Variants in MCRIP2 observed in about 807,000 individuals in gnomAD.
The protein encoded by MCRIP2 is MAPK regulated corepressor interacting protein 2.
MCRIP2 carries 21 observed loss-of-function variants against 23.2 expected under a neutral mutation model. That is an observed-to-expected ratio of 0.90 (90% CI 0.64 to 1.30). The LOEUF (loss-of-function observed/expected upper bound fraction) is 1.30. Among genes scored for constraint, MCRIP2 ranks in the 50% most tolerant of loss-of-function variants. MCRIP2 has a pLI of 0.00. For synonymous variants in MCRIP2, 121 were observed against 100.2 expected (o/e 1.21, Z -1.24); for missense variants, 234 against 223.2 (o/e 1.05, Z -0.31).
Position 646,951 on chromosome 16 carries a change from G to GTGGTCGCCGT in MCRIP2, c.183-466_183-465insTGGTCGCCGT. On this transcript the variant is annotated intron_variant, in intron 2 of 4. Transcript: ENST00000307650. This position sits in a 1 kb window ranked among gnomAD's most constrained non-coding sequence, Gnocchi z 6.5. Reference sequence around the variant, plus strand: ...CATGGAGGGAAACATCGTGGAGATGGAGGTGCTTCTGTGGGGCGAGAATGT... The same window carrying GTGGTCGCCGT: ...CATGGAGGGAAACATCGTGGAGATGGTGGTCGCCGTAGGTGCTTCTGTGGGGCGAGAATGT... The GTGGTCGCCGT allele has an allele frequency of 6.3e-6, 1 of 158,482 alleles. No homozygotes were observed. The highest frequency in any genetic ancestry group is 1.4e-5 in the Non-Finnish European group (1 of 72,036). 9.8% of individuals were successfully genotyped at this position (158,482 alleles called of 1,614,324 possible).
Position 642,136 on chromosome 16 carries a change from G to C in MCRIP2, c.69G>C (p.Gln23His), listed in dbSNP as rs993095347. Residue 23 changes from glutamine (Q) to histidine (H), a missense_variant, in exon 2 of 5, where the codon CAG becomes CAC. Transcript: ENST00000307650. ...AQRRTGPTQQQVEGRLGELLK... is the reference protein window; with the variant it reads ...AQRRTGPTQQHVEGRLGELLK... ...TGCCCGCAGGTCCCACGCAGCAGCA[G>C]GTGGAGGGCCGGCTCGGCGAGCTCC... The C allele has an allele frequency of 1.5e-6, 2 of 1,368,236 alleles. No homozygotes were observed. The highest frequency in any genetic ancestry group is 3.0e-5 in the Admixed American group (1 of 32,840). The allele number at this position is 1,368,236 out of a possible 1,614,324, so 84.8% of individuals were successfully genotyped here.
intron 2 of MCRIP2, among the ~76,000 whole-genome samples, chr16:644,057 C>T (rs1487155390): frequency 6.6e-6 from 1 of 152,124 alleles, no homozygotes; most frequent in Non-Finnish European, 1.5e-5. Context: ...CCTGCTCCTG[C>T]ACCTTCTTGG....
Position 642,114 on chromosome 16 carries a change from C to T in MCRIP2, c.53-6C>T, listed in dbSNP as rs2037356543. On this transcript the variant is annotated splice_region_variant and splice_polypyrimidine_tract_variant and intron_variant, in intron 1 of 4. Transcript: ENST00000307650. ...GCGGCGGCTGACCGCCCCCCGGTGC[C>T]CGCAGGTCCCACGCAGCAGCAGGTG... 5 of 1,351,970 alleles carry T rather than the reference C, an allele frequency of 3.7e-6. No homozygotes were observed. The highest frequency in any genetic ancestry group is 2.8e-6 in the Non-Finnish European group (3 of 1,052,680). The allele number at this position is 1,351,970 out of a possible 1,614,324, so 83.7% of individuals were successfully genotyped here.
intron 2 of MCRIP2, among the ~76,000 whole-genome samples, chr16:643,399 G>C (rs1408041592): frequency 6.6e-6 from 1 of 152,086 alleles, no homozygotes; most frequent in Non-Finnish European, 1.5e-5. Context: ...CTCTCTCCAA[G>C]ACCCCACTGC....
intron 2 of MCRIP2, 181 bp downstream of exon 2, chr16:642,430 G>C: frequency 2.2e-6 from 1 of 452,712 alleles, no homozygotes. Context: ...GCGGGCCTGC[G>C]CCTCGCACTT....
intron 2 of MCRIP2, 165 bp from the exon 3 acceptor site, chr16:647,252 C>T (rs1468566425): frequency 7.7e-6 from 7 of 908,264 alleles, no homozygotes; most frequent in Admixed American, 5.0e-5. Flanking sequence ...CAAGAGAGGC[C>T]TGGGCCACCG....
chr16:648,025 T>C (rs1346720943), intron 4 of MCRIP2, 95 bp from the exon 5 acceptor site: 2 of 1,324,096 alleles, frequency 1.5e-6, no homozygotes, highest in African/African-American at 1.5e-5. Context: ...CCTGCCGCAC[T>C]CGGAGTCCGG....
At position 648,143 on chromosome 16, in the gene MCRIP2, G is replaced by C. The variant is rs367641794; in HGVS notation, c.436G>C (p.Glu146Gln). The change falls in exon 5 of 5, where the codon GAG (glutamate) becomes CAG (glutamine). Residue 146 changes from glutamate to glutamine, a missense_variant. Glu to Gln is a conservative substitution (Grantham distance 29). Transcript: ENST00000307650. ...LQNFVPIDLD[E>Q]WWAQQFLARI... is the part of the protein sequence containing the mutation. ...AGACTTTGTGCCCATTGACCTAGACGAGTGGTGGGCGCAGCAGTTCCTGGC... is the reference window on the plus strand; with the variant it reads ...AGACTTTGTGCCCATTGACCTAGACCAGTGGTGGGCGCAGCAGTTCCTGGC... 1.2e-6 allele frequency: 2 copies of C among 1,610,846 alleles called. No individual in the cohort carries two copies. The highest frequency in any genetic ancestry group is 1.7e-6 in the Non-Finnish European group (2 of 1,178,880).
At chr16:642,925 C>G (rs1325152692) in intron 2 of MCRIP2, 1 of 152,632 alleles carries the variant, frequency 6.6e-6, no homozygotes, top group Non-Finnish European at 1.5e-5. Flanking sequence ...CTCTCCCAGG[C>G]CTGTGGATTT....
chr16:642,016 A>G lies in MCRIP2; in HGVS notation c.25A>G (p.Ser9Gly). Residue 9 changes from serine (S) to glycine (G), a missense_variant, in exon 1 of 5, where the codon AGC becomes GGC. Coordinates refer to ENST00000307650, the MANE Select transcript of MCRIP2 (RefSeq NM_138418.4). MYTITKGP[S>G]KLVAQRRTGP... ...CATGTACACCATCACCAAGGGGCCC[A>G]GCAAGCTGGTCGCGCAGCGCCGCAC... 4 of 1,327,906 alleles carry G rather than the reference A, an allele frequency of 3.0e-6. No homozygotes were observed. Among genetic ancestry groups the G allele is most frequent in the Non-Finnish European group, 3.8e-6 (4 of 1,040,900 alleles). 82.3% of individuals were successfully genotyped at this position (1,327,906 alleles called of 1,614,324 possible).
Position 642,130 on chromosome 16 carries a change from G to A in MCRIP2, c.63G>A (p.Gln21=). The A allele has an allele frequency of 7.3e-7, 1 of 1,369,522 alleles. No homozygotes were observed. The highest frequency in any genetic ancestry group is 9.4e-7 in the Non-Finnish European group (1 of 1,060,086). 84.8% of individuals were successfully genotyped at this position (1,369,522 alleles called of 1,614,324 possible). ...LVAQRRTGPT[Q]QQVEGRLGEL... is the part of the protein sequence containing the mutation. ...CCCCGGTGCCCGCAGGTCCCACGCAGCAGCAGGTGGAGGGCCGGCTCGGCG... is the reference window on the plus strand; with the variant it reads ...CCCCGGTGCCCGCAGGTCCCACGCAACAGCAGGTGGAGGGCCGGCTCGGCG... The change falls in exon 2 of 5, where the codon CAG becomes CAA. Residue 21 remains glutamine (Q), a synonymous_variant. Transcript: ENST00000307650.
Position 641,996 on chromosome 16 carries a change from A to G in MCRIP2, c.5A>G (p.Tyr2Cys). The G allele has an allele frequency of 7.5e-7, 1 of 1,328,430 alleles. No individual in the cohort carries two copies. The highest frequency in any genetic ancestry group is 9.6e-7 in the Non-Finnish European group (1 of 1,041,472). 82.3% of individuals were successfully genotyped at this position (1,328,430 alleles called of 1,614,324 possible). Residue 2 changes from tyrosine (Y) to cysteine (C), a missense_variant, in exon 1 of 5, where the codon TAC (tyrosine) becomes TGC (cysteine). By Grantham distance (194) the Tyr-to-Cys change is radical (BLOSUM62 -2). Coordinates refer to ENST00000307650, the MANE Select transcript of MCRIP2 (RefSeq NM_138418.4). M[Y>C]TITKGPSKLV... is the part of the protein sequence containing the mutation. ...GCGGTGTGGGAGCGGCGCGTCATGT[A>G]CACCATCACCAAGGGGCCCAGCAAG...
chr16:644,184 C>T (rs535558601), intron 2 of MCRIP2, among the ~76,000 whole-genome samples: 2 of 152,106 alleles, frequency 1.3e-5, no homozygotes, highest in African/African-American at 4.8e-5. Context: ...TGGGTTCAAG[C>T]GATCCTCCTG....
chr16:642,681 A>G (rs2037378520), intron 2 of MCRIP2: 2 of 152,548 alleles, frequency 1.3e-5, no homozygotes, highest in African/African-American at 4.8e-5. Flanking sequence ...TCCCTCGGGC[A>G]GGGCCGCTGC....
chr16:647,163 C>T (rs950883728), intron 2 of MCRIP2: 18 of 569,540 alleles, frequency 3.2e-5, no homozygotes, highest in Non-Finnish European at 5.0e-5. Flanking sequence ...AAGACTGAGG[C>T]CCCCACCCTA....
intron 2 of MCRIP2, chr16:642,769 C>T (rs1449877599): frequency 6.6e-6 from 1 of 152,280 alleles, no homozygotes. Flanking sequence ...TTTCCTAACC[C>T]AGTTAGGAAA....
At chr16:644,686 C>T (rs2037433462) in intron 2 of MCRIP2, among the ~76,000 whole-genome samples, 1 of 152,094 alleles carries the variant, frequency 6.6e-6, no homozygotes. Flanking sequence ...GCAATTCTCC[C>T]GCCTTGGCCT....
rs565771718 is a variant in MCRIP2, at chr16:646,095, C to A, written c.183-1322C>A. 1.3e-5 allele frequency: 2 copies of A among 152,344 alleles called. No homozygotes were observed. Among genetic ancestry groups the A allele is most frequent in the Admixed American group, 1.3e-4 (2 of 15,306 alleles). 9.4% of individuals were successfully genotyped at this position (152,344 alleles called of 1,614,324 possible). A position where few individuals can be genotyped will look rare whatever the true frequency, so the allele number is the denominator to read the frequency against. On this transcript the variant is annotated intron_variant, in intron 2 of 4. Transcript: ENST00000307650. The surrounding 1 kb of genome is among the most constrained non-coding windows in gnomAD (Gnocchi z 6.5). Reference sequence around the variant, plus strand: ...TTTCCCCCAGAGAGCAGCAGCCTTACGTAACCAGAGCCCCTGGGGCGGTGC... The same window carrying A: ...TTTCCCCCAGAGAGCAGCAGCCTTAAGTAACCAGAGCCCCTGGGGCGGTGC...
chr16:646,455 ACTC>A lies in MCRIP2; in HGVS notation c.183-958_183-956del, dbSNP rs1434101764. On this transcript the variant is annotated intron_variant, in intron 2 of 4. Coordinates refer to ENST00000307650, the MANE Select transcript of MCRIP2 (RefSeq NM_138418.4). This position sits in a 1 kb window ranked among gnomAD's most constrained non-coding sequence, Gnocchi z 6.5. ...GGCAGGACCCTGCGCCCCTCAAGACACTCCTCTTTATTTTAGTGCCCCTCTCAG... is the reference window on the plus strand; with the variant it reads ...GGCAGGACCCTGCGCCCCTCAAGACACTCTTTATTTTAGTGCCCCTCTCAG... 6.6e-6 allele frequency: 1 copy of A among 150,816 alleles called. No homozygotes were observed. Among genetic ancestry groups the A allele is most frequent in the Non-Finnish European group, 1.5e-5 (1 of 67,602 alleles). 9.3% of individuals were successfully genotyped at this position (150,816 alleles called of 1,614,324 possible).
Sources: gnomAD v4.1 joint callset for allele counts (sites outside exome capture counted in the v4.1 genomes callset) on GRCh38, gnomAD v4.1.1 for gene constraint, Gnocchi (gnomAD v3.1) non-coding constraint, MANE v1.5 for transcripts, NCBI Gene and HGNC (gene_info 2026-07-23, HGNC 2026-07-21) for gene names.